PRRG1: variants seen among roughly 807,000 people sequenced by gnomAD.
The protein encoded by PRRG1 is transmembrane gamma-carboxyglutamic acid protein 1.
PRRG1 carries 5 observed loss-of-function variants against 11.8 expected under a neutral mutation model. The ratio of observed to expected loss-of-function variants is 0.42; its 90% CI spans 0.22 to 0.89. The LOEUF (loss-of-function observed/expected upper bound fraction) is 0.89. Ranked by LOEUF, PRRG1 falls within the 40% of genes least tolerant of loss-of-function variation. The pLI is 0.28. For synonymous variants in PRRG1, 66 were observed against 60.4 expected (o/e 1.09, Z -0.43); for missense variants, 155 against 166.1 (o/e 0.93, Z 0.37).
intron 2 of PRRG1, among the ~76,000 whole-genome samples, chrX:37,424,379 ACT>A (rs1556387849): frequency 2.7e-5 from 3 of 110,764 alleles, no homozygotes; most frequent in African/African-American, 9.9e-5. Flanking sequence ...GGCATCAGAA[ACT>A]CTGGGGTGGG....
At chrX:37,425,666 C>T in intron 2 of PRRG1, 174 bp from the exon 3 acceptor site, 1 of 409,977 alleles carries the variant, frequency 2.4e-6, no homozygotes, top group Non-Finnish European at 4.2e-6. Context: ...AAAGGACATA[C>T]TCACATCATG....
chrX:37,350,751 T>C (rs1930033486), intron 1 of PRRG1, among the ~76,000 whole-genome samples: 1 of 111,491 alleles, frequency 9.0e-6, no homozygotes, highest in Non-Finnish European at 1.9e-5. Context: ...TAAATCCCGT[T>C]TTATAAACGT....
intron 1 of PRRG1, among the ~76,000 whole-genome samples, chrX:37,387,290 A>G (rs781935065): frequency 3.6e-5 from 4 of 112,503 alleles, no homozygotes; most frequent in Non-Finnish European, 7.5e-5. Flanking sequence ...ATATTCTAGG[A>G]AAGATCCTAA....
chrX:37,401,553 C>T (rs1343195638), intron 1 of PRRG1, among the ~76,000 whole-genome samples: 1 of 109,793 alleles, frequency 9.1e-6, no homozygotes, highest in African/African-American at 3.3e-5. Flanking sequence ...AAACTGGAAG[C>T]ATTCCCTTTG....
chrX:37,359,699 C>T (rs1170947231), intron 1 of PRRG1, among the ~76,000 whole-genome samples: 2 of 111,773 alleles, frequency 1.8e-5, no homozygotes, highest in Non-Finnish European at 3.8e-5. Context: ...TTGTAGAGAA[C>T]TGGTATAGTT....
At chrX:37,392,588 G>T (rs1931576809) in intron 1 of PRRG1, among the ~76,000 whole-genome samples, 1 of 103,961 alleles carries the variant, frequency 9.6e-6, no homozygotes, top group African/African-American at 3.5e-5. Context: ...AGCCTGGGAG[G>T]CAGAGGCTGC....
At chrX:37,386,042 G>A (rs1156414638) in intron 1 of PRRG1, among the ~76,000 whole-genome samples, 3 of 111,873 alleles carry the variant, frequency 2.7e-5, no homozygotes, top group African/African-American at 9.8e-5. Flanking sequence ...GATTACAGGC[G>A]TGAGCTACTG....
At chrX:37,368,537 A>T (rs1468987512) in intron 1 of PRRG1, among the ~76,000 whole-genome samples, 1 of 111,609 alleles carries the variant, frequency 9.0e-6, no homozygotes, top group Non-Finnish European at 1.9e-5. Context: ...TGTACTGTTG[A>T]CACATCTGCA....
At chrX:37,395,124 A>G (rs939557521) in intron 1 of PRRG1, among the ~76,000 whole-genome samples, 3 of 111,924 alleles carry the variant, frequency 2.7e-5, no homozygotes, top group Non-Finnish European at 3.8e-5. Context: ...TAACCCCATT[A>G]TGGTTGAAGA....
intron 1 of PRRG1, among the ~76,000 whole-genome samples, chrX:37,370,002 C>G (rs1930715436): frequency 9.0e-6 from 1 of 110,748 alleles, no homozygotes; most frequent in Non-Finnish European, 1.9e-5. Context: ...TTTTTATTAG[C>G]AGCATAAGAA....
intron 1 of PRRG1, among the ~76,000 whole-genome samples, chrX:37,350,846 C>G: frequency 9.1e-6 from 1 of 109,681 alleles, no homozygotes; most frequent in Non-Finnish European, 1.9e-5. Context: ...ATGAGGTGAA[C>G]AGGATTTCTT....
chrX:37,416,392 A>G (rs782362069), intron 2 of PRRG1, among the ~76,000 whole-genome samples: 1 of 112,404 alleles, frequency 8.9e-6, no homozygotes, highest in African/African-American at 3.2e-5. Flanking sequence ...TGTGAGTTTT[A>G]TCTACCTGTC....
At chrX:37,427,138 A>G (rs1283854459) in intron 3 of PRRG1, among the ~76,000 whole-genome samples, 1 of 112,016 alleles carries the variant, frequency 8.9e-6, no homozygotes, top group African/African-American at 3.2e-5. Flanking sequence ...GAAATTATAG[A>G]TATTCTACTA....
At chrX:37,425,800 A>C (rs1932764635) in intron 2 of PRRG1, 40 bp from the exon 3 acceptor site, 1 of 1,108,261 alleles carries the variant, frequency 9.0e-7, no homozygotes, top group Non-Finnish European at 1.2e-6. Flanking sequence ...TGGTATATCA[A>C]CTTGCCACAT....
intron 1 of PRRG1, among the ~76,000 whole-genome samples, chrX:37,372,895 G>A (rs1047087000): frequency 8.9e-5 from 10 of 112,185 alleles, no homozygotes; most frequent in South Asian, 3.7e-4. Context: ...GACCTTTTCC[G>A]TTATGTTTTC....
chrX:37,440,980 G>T (rs1932965937), intron 3 of PRRG1: 2 of 697,769 alleles, frequency 2.9e-6, no homozygotes, highest in African/African-American at 2.2e-5. Flanking sequence ...TGTTGCCTAG[G>T]CTGGTCTCAA....
At chrX:37,404,165 G>T (rs1441713723) in intron 1 of PRRG1, among the ~76,000 whole-genome samples, 1 of 111,459 alleles carries the variant, frequency 9.0e-6, no homozygotes, top group African/African-American at 3.3e-5. Flanking sequence ...AATATGAGAA[G>T]TCCTGCCAGA....
At chrX:37,370,316 C>T (rs1930724131) in intron 1 of PRRG1, among the ~76,000 whole-genome samples, 1 of 112,212 alleles carries the variant, frequency 8.9e-6, no homozygotes, top group Non-Finnish European at 1.9e-5. Context: ...TAAGATATCT[C>T]TTTGACATAC....
intron 1 of PRRG1, among the ~76,000 whole-genome samples, chrX:37,400,736 G>T (rs1472315343): frequency 9.0e-6 from 1 of 111,110 alleles, no homozygotes; most frequent in Non-Finnish European, 1.9e-5. Flanking sequence ...TAGACTGCTA[G>T]CAAGACTAAT....
Sources: gnomAD v4.1 joint callset for allele counts (sites outside exome capture counted in the v4.1 genomes callset) on GRCh38, gnomAD v4.1.1 for gene constraint, MANE v1.5 for transcripts, NCBI Gene and HGNC (gene_info 2026-07-23, HGNC 2026-07-21) for gene names.